POU3F3: variants seen among roughly 807,000 people sequenced by gnomAD.
The protein encoded by POU3F3 is POU domain, class 3, transcription factor 3.
A neutral mutation model predicts 8.6 loss-of-function variants in POU3F3; 1 was observed. That is an observed-to-expected ratio of 0.12 (90% confidence interval 0.04 to 0.55). POU3F3 has a LOEUF of 0.55. Ranked by LOEUF, POU3F3 falls within the 20% of genes least tolerant of loss-of-function variation. The pLI is 0.91. For synonymous variants in POU3F3, 418 were observed against 327.4 expected, an observed-to-expected ratio of 1.28 and a Z score of -2.99; for missense variants, 577 against 690.7, an observed-to-expected ratio of 0.84 and a Z score of 1.84.
the POU3F3 span, among the ~76,000 whole-genome samples, chr2:104,880,974 G>A: frequency 1.3e-5 from 2 of 152,130 alleles, no homozygotes; most frequent in African/African-American, 4.8e-5. Context: ...CAAAGACAGT[G>A]TATCAAAAAT....
the POU3F3 span, among the ~76,000 whole-genome samples, chr2:104,876,207 G>T: frequency 0.012 from 1,800 of 152,284 alleles, 40 homozygotes; most frequent in African/African-American, 0.041. Context: ...TAACCAGAGA[G>T]TCACCCTCTC....
At position 104,856,551 on chromosome 2, in the gene POU3F3, G is replaced by C; in HGVS notation, c.1041G>C (p.Leu347=). ...CGCAGGCCGACGTGGGGTTGGCGCT[G>C]GGCACACTCTACGGCAACGTGTTCT... is the stretch of plus-strand genomic sequence containing the variant. ...GFTQADVGLA[L]GTLYGNVFSQ... The change falls in exon 1 of 1, where the codon CTG becomes CTC. Residue 347 remains leucine (L), a synonymous_variant. Coordinates refer to ENST00000361360, the MANE Select transcript of POU3F3 (RefSeq NM_006236.3). 6.2e-7 allele frequency: 1 copy of C among 1,614,144 alleles called. No individual in the cohort carries two copies. Among genetic ancestry groups the C allele is most frequent in the Non-Finnish European group, 8.5e-7 (1 of 1,180,032 alleles).
chr2:104,913,543 A>G, the POU3F3 span, among the ~76,000 whole-genome samples: 1 of 152,202 alleles, frequency 6.6e-6, no homozygotes, highest in Non-Finnish European at 1.5e-5. Flanking sequence ...TCAGGTGACC[A>G]GTGCTGAAGT....
Position 104,855,627 on chromosome 2 carries a change from CGGCGGG to C in POU3F3, c.123_128del (p.Gly42_Gly43del). On this transcript the variant is annotated inframe_deletion, in exon 1 of 1. Transcript: ENST00000361360. ...GCGGCGGGGGTGGCGGCGGCGGCGG[CGGCGGG>C]GGCGGCGCAGGGGGCGGGGGCGGCG... 2 of 644,058 alleles carry C rather than the reference CGGCGGG, an allele frequency of 3.1e-6. No individual in the cohort carries two copies. Among genetic ancestry groups the C allele is most frequent in the Non-Finnish European group, 3.6e-6 (2 of 557,126 alleles). The allele number at this position is 644,058 out of a possible 1,614,324, so 39.9% of individuals were successfully genotyped here. A position where few individuals can be genotyped will look rare whatever the true frequency, so the allele number is the denominator to read the frequency against.
At chr2:104,922,535 A>C in the POU3F3 span, among the ~76,000 whole-genome samples, 5 of 152,152 alleles carry the variant, frequency 3.3e-5, no homozygotes, top group Admixed American at 3.3e-4. Context: ...AATTTACTAG[A>C]GGAATTTGAA....
chr2:104,904,026 G>A, the POU3F3 span, among the ~76,000 whole-genome samples: 1 of 152,162 alleles, frequency 6.6e-6, no homozygotes, highest in Admixed American at 6.5e-5. Context: ...TCTGAGATGG[G>A]GAAGGTTCCA....
chr2:104,909,513 C>A, the POU3F3 span, among the ~76,000 whole-genome samples: 1 of 152,232 alleles, frequency 6.6e-6, no homozygotes, highest in African/African-American at 2.4e-5. Flanking sequence ...CTTGCCGCTG[C>A]CCCTGTTCCG....
At chr2:104,882,512 A>C in the POU3F3 span, among the ~76,000 whole-genome samples, 1 of 152,230 alleles carries the variant, frequency 6.6e-6, no homozygotes, top group East Asian at 1.9e-4. Flanking sequence ...TCGGCTTCCG[A>C]AAGTGCTGGG....
the POU3F3 span, among the ~76,000 whole-genome samples, chr2:104,864,597 T>C: frequency 4.5e-4 from 69 of 152,292 alleles, no homozygotes; most frequent in Non-Finnish European, 8.8e-4. Flanking sequence ...CAAATACAAA[T>C]GTCCTAGACA....
the POU3F3 span, among the ~76,000 whole-genome samples, chr2:104,915,578 A>G: frequency 4.6e-5 from 7 of 152,224 alleles, no homozygotes; most frequent in African/African-American, 1.7e-4. Context: ...GTGGCCCACA[A>G]GTGGTGTCTG....
chr2:104,892,674 TATG>T, the POU3F3 span, among the ~76,000 whole-genome samples: 3 of 151,288 alleles, frequency 2.0e-5, no homozygotes. Flanking sequence ...TATATACACA[TATG>T]TGTGTGTGTG....
Position 104,856,131 on chromosome 2 carries a change from G to A in POU3F3, c.621G>A (p.Pro207=). 1.7e-6 allele frequency: 2 copies of A among 1,200,100 alleles called. No individual in the cohort carries two copies. Among genetic ancestry groups the A allele is most frequent in the South Asian group, 3.2e-5 (1 of 31,582 alleles). The allele number at this position is 1,200,100 out of a possible 1,614,324, so 74.3% of individuals were successfully genotyped here. The part of the protein sequence containing the change: ...AAAAAAAAHL[P]SMAGGQQPPP... The stretch of plus-strand genomic sequence containing the variant: ...CCGCCGCCGCCGCCGCGCACCTCCC[G>A]TCCATGGCCGGGGGCCAGCAGCCGC... Residue 207 remains proline, a synonymous_variant, in exon 1 of 1, where the codon CCG becomes CCA. Coordinates refer to ENST00000361360, the MANE Select transcript of POU3F3 (RefSeq NM_006236.3).
the POU3F3 span, among the ~76,000 whole-genome samples, chr2:104,891,625 G>A: frequency 6.6e-6 from 1 of 152,280 alleles, no homozygotes; most frequent in African/African-American, 2.4e-5. Context: ...TTCCCAGGTG[G>A]CAGAGCATGG....
At chr2:104,916,139 AG>A in the POU3F3 span, among the ~76,000 whole-genome samples, 1 of 152,202 alleles carries the variant, frequency 6.6e-6, no homozygotes, top group Non-Finnish European at 1.5e-5. Context: ...CTAACACAGA[AG>A]ACTGTCTAAT....
the POU3F3 span, among the ~76,000 whole-genome samples, chr2:104,923,648 C>T: frequency 6.6e-6 from 1 of 152,076 alleles, no homozygotes; most frequent in African/African-American, 2.4e-5. Flanking sequence ...ATAGAAAACA[C>T]ATAGCAAAAT....
the POU3F3 span, among the ~76,000 whole-genome samples, chr2:104,885,657 G>A: frequency 6.6e-6 from 1 of 152,128 alleles, no homozygotes; most frequent in African/African-American, 2.4e-5. Flanking sequence ...GGAACCCTTA[G>A]TTCTGGGAAT....
the POU3F3 span, among the ~76,000 whole-genome samples, chr2:104,871,973 C>A: frequency 6.6e-6 from 1 of 152,146 alleles, no homozygotes; most frequent in Non-Finnish European, 1.5e-5. Flanking sequence ...AGGGAGGTGA[C>A]AAGACCTGCC....
chr2:104,879,144 G>C, the POU3F3 span, among the ~76,000 whole-genome samples: 1 of 151,860 alleles, frequency 6.6e-6, no homozygotes, highest in Admixed American at 6.6e-5. Context: ...GTAATCTTCA[G>C]TACACACACA....
chr2:104,882,115 G>A, the POU3F3 span, among the ~76,000 whole-genome samples: 4 of 152,162 alleles, frequency 2.6e-5, no homozygotes, highest in Non-Finnish European at 4.4e-5. Context: ...AATATATGCA[G>A]AGTGTTTCAA....
Sources: allele counts gnomAD v4.1 joint callset (sites outside exome capture counted in the v4.1 genomes callset), GRCh38; gene constraint gnomAD v4.1.1; transcripts MANE v1.5; gene names NCBI Gene and HGNC (gene_info 2026-07-23, HGNC 2026-07-21).